The following CNBD1 variants were observed in gnomAD, a reference collection of about 807,000 sequenced individuals.
CNBD1 encodes the protein cyclic nucleotide binding domain containing 1.
A neutral mutation model predicts 54.4 loss-of-function variants in CNBD1; 71 were observed. The ratio of observed to expected loss-of-function variants is 1.30; its 90% CI spans 1.08 to 1.59. The LOEUF is 1.59. Among genes scored for constraint, CNBD1 ranks in the 40% most tolerant of loss-of-function variants. The probability of loss-of-function intolerance (pLI) is 0.00; values close to 1 mark genes in which losing one functional copy is unlikely to be tolerated. For missense variants in CNBD1, 659 were observed against 518.0 expected (o/e 1.27, Z -2.64); for synonymous variants, 182 against 170.7 (o/e 1.07, Z -0.51).
chr8:87,273,995 C>G (rs566753529), intron 6 of CNBD1, among the ~76,000 whole-genome samples: 4 of 148,748 alleles, frequency 2.7e-5, no homozygotes, highest in Non-Finnish European at 1.5e-5. Context: ...TGTTCAATTC[C>G]CACCTATGAG....
chr8:87,282,840 T>A (rs1808623410), intron 6 of CNBD1, among the ~76,000 whole-genome samples: 1 of 152,054 alleles, frequency 6.6e-6, no homozygotes, highest in Non-Finnish European at 1.5e-5. Flanking sequence ...TGCTAGCTAA[T>A]GAGATCGTAA....
At chr8:86,918,261 G>A (rs1409080072) in intron 3 of CNBD1, among the ~76,000 whole-genome samples, 1 of 152,112 alleles carries the variant, frequency 6.6e-6, no homozygotes, top group Non-Finnish European at 1.5e-5. Context: ...CTTTCTTAAA[G>A]ATGCATCATA....
At chr8:87,152,155 C>G (rs1315295827) in intron 4 of CNBD1, among the ~76,000 whole-genome samples, 1 of 151,536 alleles carries the variant, frequency 6.6e-6, no homozygotes, top group African/African-American at 2.4e-5. Context: ...TTAAAAAAAC[C>G]TGTAAGTTAC....
At chr8:87,266,690 G>A (rs1293058084) in intron 6 of CNBD1, among the ~76,000 whole-genome samples, 2 of 151,830 alleles carry the variant, frequency 1.3e-5, no homozygotes, top group African/African-American at 4.8e-5. Context: ...GACCTCAGGT[G>A]ATCTGCCTAC....
chr8:87,364,385 G>T (rs1233960616), intron 10 of CNBD1, among the ~76,000 whole-genome samples: 1 of 151,682 alleles, frequency 6.6e-6, no homozygotes, highest in Admixed American at 6.6e-5. Context: ...TAATGTTTTT[G>T]CTCGAGTTTG....
chr8:86,914,792 A>C (rs984727822), intron 3 of CNBD1, among the ~76,000 whole-genome samples: 32 of 152,208 alleles, frequency 2.1e-4, no homozygotes, highest in Non-Finnish European at 4.4e-4. Context: ...CACTCTCAGA[A>C]AGAAAAAAGA....
At chr8:87,240,467 A>T (rs188003736) in intron 6 of CNBD1, among the ~76,000 whole-genome samples, 1 of 152,234 alleles carries the variant, frequency 6.6e-6, no homozygotes. Flanking sequence ...GGATCTTAGC[A>T]CCTCAATCAG....
At position 86,975,444 on chromosome 8, in the gene CNBD1, T is replaced by C. The variant is rs181215118; in HGVS notation, c.431+35690T>C. On this transcript the variant is annotated intron_variant, in intron 4 of 10. Transcript: ENST00000518476. ...TCTACTGTCTACTTATATGTTTGAC[T>C]TTTTTAGATTTTGCATATAGGTGAG... Among the ~76,000 whole-genome samples, 710 of 152,182 alleles carry C rather than the reference T, an allele frequency of 4.7e-3. 6 individuals carry two copies. The highest frequency in any genetic ancestry group is 0.016 in the African/African-American group (683 of 41,560).
At chr8:87,111,842 C>T (rs546010842) in intron 4 of CNBD1, among the ~76,000 whole-genome samples, 17 of 152,086 alleles carry the variant, frequency 1.1e-4, no homozygotes, top group Admixed American at 1.0e-3. Context: ...AGTAATTACT[C>T]CCACCTTGCT....
chr8:87,363,995 A>G (rs1371369866), intron 10 of CNBD1, among the ~76,000 whole-genome samples: 1 of 151,306 alleles, frequency 6.6e-6, no homozygotes. Context: ...CGAATGAAAA[A>G]GTTTTAGACA....
chr8:86,897,738 T>A (rs1046090122), intron 2 of CNBD1, among the ~76,000 whole-genome samples: 1 of 152,214 alleles, frequency 6.6e-6, no homozygotes, highest in African/African-American at 2.4e-5. Flanking sequence ...GATAAGACAG[T>A]TGGCAAGGAA....
At chr8:86,930,512 T>C (rs550172245) in intron 3 of CNBD1, among the ~76,000 whole-genome samples, 1 of 152,302 alleles carries the variant, frequency 6.6e-6, no homozygotes, top group South Asian at 2.1e-4. Context: ...GGGACAAGAC[T>C]GTCCACATAA....
intron 4 of CNBD1, among the ~76,000 whole-genome samples, chr8:87,107,430 T>C (rs1435092202): frequency 3.9e-5 from 6 of 152,202 alleles, no homozygotes; most frequent in African/African-American, 4.8e-5. Context: ...GCTCTTTCTT[T>C]AGGTCTCATC....
chr8:87,325,196 A>T lies in CNBD1; in HGVS notation c.1043-26489A>T, dbSNP rs1257075246. Among the ~76,000 whole-genome samples, 2 of 94,284 alleles carry T rather than the reference A, an allele frequency of 2.1e-5. 1 individual carries two copies. The highest frequency in any genetic ancestry group is 4.1e-5 in the Non-Finnish European group (2 of 48,316). 61.9% of individuals were successfully genotyped at this position (94,284 alleles called of 152,430 possible). A position where few individuals can be genotyped will look rare whatever the true frequency, so the allele number is the denominator to read the frequency against. On this transcript the variant is annotated intron_variant, in intron 8 of 10. Coordinates refer to ENST00000518476, the MANE Select transcript of CNBD1 (RefSeq NM_173538.3). ...TTTGTTATAATTTCTGTTCTTTTAC[A>T]TTTGCTGAGGAGAGCTTTACTTCCA... is the stretch of plus-strand genomic sequence containing the variant.
At chr8:87,030,586 T>G (rs1441513195) in intron 4 of CNBD1, among the ~76,000 whole-genome samples, 1 of 152,192 alleles carries the variant, frequency 6.6e-6, no homozygotes, top group African/African-American at 2.4e-5. Context: ...ACTTTATATC[T>G]TCTAAAATTT....
At chr8:87,273,973 A>C (rs1027581873) in intron 6 of CNBD1, among the ~76,000 whole-genome samples, 1 of 131,014 alleles carries the variant, frequency 7.6e-6, no homozygotes, top group Non-Finnish European at 1.5e-5. Flanking sequence ...TCCTGTGTCC[A>C]TGTGTTCTCA....
Position 87,353,658 on chromosome 8 carries a change from A to G in CNBD1, c.1175A>G (p.Tyr392Cys). The G allele has an allele frequency of 6.3e-7, 1 of 1,592,088 alleles. No individual in the cohort carries two copies. Among genetic ancestry groups the G allele is most frequent in the Non-Finnish European group, 8.5e-7 (1 of 1,170,578 alleles). Residue 392 changes from tyrosine to cysteine, a missense_variant, in exon 10 of 11, where the codon TAT becomes TGT. Transcript: ENST00000518476. Reference sequence around the variant, plus strand: ...CAGAAAAGATCTCAAAAACTTGTTTATATGGGGAAACTTAAGGAGAAGGAG... The same window carrying G: ...CAGAAAAGATCTCAAAAACTTGTTTGTATGGGGAAACTTAAGGAGAAGGAG... Reference protein sequence around the residue: ...NKVKRSQKLVYMGKLKEKESF... With the variant: ...NKVKRSQKLVCMGKLKEKESF...
At chr8:87,327,272 GC>G (rs1809695538) in intron 8 of CNBD1, among the ~76,000 whole-genome samples, 1 of 148,770 alleles carries the variant, frequency 6.7e-6, no homozygotes, top group South Asian at 2.1e-4. Context: ...TCTGTGCCCT[GC>G]CCCCAGAGGT....
rs1297235365 is a variant in CNBD1 at position 87,225,859 on chromosome 8, C to G, written c.578-11060C>G. ...CCTCTGGTAGAATTCAGCTGTGAAT[C>G]CATCTGGTCCAGGACTCTTTTTGGT... On this transcript the variant is annotated intron_variant, in intron 5 of 10. Coordinates refer to ENST00000518476, the MANE Select transcript of CNBD1 (RefSeq NM_173538.3). Among the ~76,000 whole-genome samples the G allele has an allele frequency of 3.4e-5, 5 of 145,066 alleles. No individual in the cohort carries two copies. The East Asian group carries it at 7.7e-4, about 22-fold the overall frequency.
Sources: gnomAD v4.1 joint callset for allele counts (sites outside exome capture counted in the v4.1 genomes callset) on GRCh38, gnomAD v4.1.1 for gene constraint, MANE v1.5 for transcripts, NCBI Gene and HGNC (gene_info 2026-07-23, HGNC 2026-07-21) for gene names.